MSTO1: variants seen among roughly 807,000 people sequenced by gnomAD.
The protein encoded by MSTO1 is protein misato homolog 1.
In MSTO1, 24 loss-of-function variants were observed where a neutral mutation model predicts 55.7. That is an observed-to-expected ratio of 0.43 (90% CI 0.31 to 0.61). The LOEUF (loss-of-function observed/expected upper bound fraction) is 0.61. Ranked by LOEUF, MSTO1 falls within the 20% of genes least tolerant of loss-of-function variation. The probability of loss-of-function intolerance (pLI) is 0.09; values close to 1 mark genes in which losing one functional copy is unlikely to be tolerated. For missense variants in MSTO1, 363 were observed against 625.7 expected (o/e 0.58, Z 4.48); for synonymous variants, 162 against 252.8 (o/e 0.64, Z 3.41).
chr1:155,614,736 C>G lies in MSTO1; in HGVS notation c.*463C>G. ...TCCCAGAGTCTCATTCATCCAGCTC[C>G]TCTTCAGACAGAAGGTCCCCATGGT... is the stretch of plus-strand genomic sequence containing the variant. On this transcript the variant is annotated 3_prime_UTR_variant, in exon 14 of 14. Coordinates refer to ENST00000245564, the MANE Select transcript of MSTO1 (RefSeq NM_018116.4). 2 of 1,574,282 alleles carry G rather than the reference C, an allele frequency of 1.3e-6. No homozygotes were observed. The highest frequency in any genetic ancestry group is 1.7e-6 in the Non-Finnish European group (2 of 1,145,442).
At chr1:155,603,528 G>A in the MSTO1 span, among the ~76,000 whole-genome samples, 40 of 152,194 alleles carry the variant, frequency 2.6e-4, no homozygotes, top group Non-Finnish European at 5.3e-4. Context: ...TGAATAGCAC[G>A]ATTAACACAC....
the MSTO1 span, among the ~76,000 whole-genome samples, chr1:155,567,267 G>A: frequency 1.3e-5 from 2 of 151,414 alleles, no homozygotes; most frequent in Non-Finnish European, 2.9e-5. Flanking sequence ...AGGACTACAG[G>A]TGTGTGTCAC....
At chr1:155,588,197 G>A in the MSTO1 span, among the ~76,000 whole-genome samples, 4 of 114,330 alleles carry the variant, frequency 3.5e-5, no homozygotes, top group Non-Finnish European at 5.2e-5. Context: ...AACAGAGTGA[G>A]ACTGTGTCTC....
upstream of MSTO1, among the ~76,000 whole-genome samples, chr1:155,606,070 A>G (rs1442572054): frequency 6.6e-6 from 1 of 152,096 alleles, no homozygotes; most frequent in Admixed American, 6.6e-5. Flanking sequence ...GTCTTGCTCT[A>G]TCACCCAGGT....
chr1:155,586,023 C>T, the MSTO1 span, among the ~76,000 whole-genome samples: 1 of 152,064 alleles, frequency 6.6e-6, no homozygotes, highest in Admixed American at 6.6e-5. Context: ...GTAATTTGTT[C>T]TTTGTATTGC....
chr1:155,582,694 C>T, the MSTO1 span, among the ~76,000 whole-genome samples: 6 of 151,552 alleles, frequency 4.0e-5, no homozygotes, highest in Admixed American at 3.3e-4. Flanking sequence ...CTCCTGACCC[C>T]GTGATCCACC....
chr1:155,602,480 ACAACAACAACAG>A, the MSTO1 span, among the ~76,000 whole-genome samples: 12 of 151,946 alleles, frequency 7.9e-5, no homozygotes, highest in Non-Finnish European at 1.6e-4. Flanking sequence ...CCATCTCAAA[ACAACAACAACAG>A]CAGCAACAAC....
the MSTO1 span, chr1:155,602,059 T>G: frequency 3.1e-6 from 2 of 649,790 alleles, no homozygotes; most frequent in Admixed American, 1.9e-5. Context: ...CGGCCTCTTC[T>G]GCCTTTTTTT....
chr1:155,586,263 G>A, the MSTO1 span, among the ~76,000 whole-genome samples: 1 of 143,284 alleles, frequency 7.0e-6, no homozygotes, highest in African/African-American at 2.6e-5. Flanking sequence ...GGCTGGTCTC[G>A]AAATCCTGAC....
chr1:155,599,683 G>A, the MSTO1 span, among the ~76,000 whole-genome samples: 2 of 152,170 alleles, frequency 1.3e-5, no homozygotes, highest in African/African-American at 4.8e-5. Context: ...GGAGGATCCC[G>A]CCAGCCTCTG....
At chr1:155,591,345 G>A in the MSTO1 span, 1 of 1,060,398 alleles carries the variant, frequency 9.4e-7, no homozygotes, top group Non-Finnish European at 1.4e-6. Context: ...CCATCACGGT[G>A]ATCTTCTAGA....
intron 4 of MSTO1, 36 bp downstream of exon 4, chr1:155,611,327 C>G: frequency 6.2e-7 from 1 of 1,613,892 alleles, no homozygotes; most frequent in Non-Finnish European, 8.5e-7. Context: ...TAACCCGGTG[C>G]CACAACCCGA....
the MSTO1 span, among the ~76,000 whole-genome samples, chr1:155,579,455 T>G: frequency 2.0e-5 from 3 of 152,196 alleles, no homozygotes; most frequent in African/African-American, 7.2e-5. Flanking sequence ...AAAACCATAA[T>G]GACTTCCTAT....
At chr1:155,603,040 T>A in the MSTO1 span, among the ~76,000 whole-genome samples, 5 of 151,906 alleles carry the variant, frequency 3.3e-5, no homozygotes, top group Non-Finnish European at 5.9e-5. Context: ...ATGTATGTTT[T>A]TTCAAGGCTC....
chr1:155,564,555 A>C, the MSTO1 span, among the ~76,000 whole-genome samples: 1 of 152,112 alleles, frequency 6.6e-6, no homozygotes, highest in African/African-American at 2.4e-5. Flanking sequence ...GACAGTCCCA[A>C]ATTTCCCCTT....
At chr1:155,579,214 G>A in the MSTO1 span, among the ~76,000 whole-genome samples, 1 of 151,992 alleles carries the variant, frequency 6.6e-6, no homozygotes, top group Non-Finnish European at 1.5e-5. Context: ...TCGGGAGGCC[G>A]AGGCGGGAGA....
the MSTO1 span, among the ~76,000 whole-genome samples, chr1:155,567,764 G>C: frequency 6.6e-6 from 1 of 151,632 alleles, no homozygotes; most frequent in African/African-American, 2.4e-5. Context: ...GGCTGGGCGT[G>C]GTGGCTCATG....
the MSTO1 span, among the ~76,000 whole-genome samples, chr1:155,597,863 C>T: frequency 5.9e-5 from 9 of 151,702 alleles, no homozygotes; most frequent in Middle Eastern, 3.4e-3. Context: ...GCTGCCCAGG[C>T]TGGAGTGCCG....
chr1:155,609,970 G>C, upstream of MSTO1: 1 of 473,330 alleles, frequency 2.1e-6, no homozygotes. Flanking sequence ...CCCCAAGTCA[G>C]CGGCGGAGAC....
Sources: gnomAD v4.1 joint callset for allele counts (sites outside exome capture counted in the v4.1 genomes callset) on GRCh38, gnomAD v4.1.1 for gene constraint, MANE v1.5 for transcripts, NCBI Gene and HGNC (gene_info 2026-07-23, HGNC 2026-07-21) for gene names.